Variants in DAB1 observed in about 807,000 individuals in gnomAD.
The protein encoded by DAB1 is DAB adaptor protein 1, also known as disabled homolog 1.
DAB1 carries 15 observed loss-of-function variants against 64.6 expected under a neutral mutation model. That is an observed-to-expected ratio of 0.23 (90% confidence interval 0.16 to 0.36). DAB1 has a LOEUF of 0.36. Among genes scored for constraint, DAB1 ranks in the 10% least tolerant of loss-of-function variants. The probability of loss-of-function intolerance (pLI) is 1.00; values close to 1 mark genes in which losing one functional copy is unlikely to be tolerated. For synonymous variants in DAB1, 235 were observed against 251.9 expected (o/e 0.93, Z 0.64); for missense variants, 596 against 706.7 (o/e 0.84, Z 1.78).
chr1:58,122,806 T>C (rs949280225), intron 5 of DAB1, among the ~76,000 whole-genome samples: 6 of 152,136 alleles, frequency 3.9e-5, no homozygotes, highest in African/African-American at 7.2e-5. Context: ...TTCTGAAGGA[T>C]AGAGACATAT....
intron 4 of DAB1, among the ~76,000 whole-genome samples, chr1:58,219,475 C>T (rs556634926): frequency 6.6e-6 from 1 of 152,318 alleles, no homozygotes; most frequent in Non-Finnish European, 1.5e-5. Flanking sequence ...CCTACCCAAT[C>T]TCCACTCCCA....
intron 3 of DAB1, among the ~76,000 whole-genome samples, chr1:58,350,621 G>A (rs1476482310): frequency 6.6e-6 from 1 of 152,136 alleles, no homozygotes; most frequent in African/African-American, 2.4e-5. Context: ...AATCCATCTC[G>A]AGTTAATTTT....
intron 4 of DAB1, among the ~76,000 whole-genome samples, chr1:58,157,993 C>T (rs781166077): frequency 4.6e-5 from 7 of 152,108 alleles, no homozygotes; most frequent in Non-Finnish European, 1.0e-4. Context: ...CTGATCTTTC[C>T]TGATTAAGGA....
Position 58,390,506 on chromosome 1 carries a change from GGAAAGAAC to G in DAB1, n.258-47111_258-47104del, listed in dbSNP as rs1644467389. On this transcript the variant is annotated intron_variant and non_coding_transcript_variant, in intron 3 of 20. Transcript: ENST00000485760. ...CTGACATTGGCAAGAGGGGAGCAGT[GGAAAGAAC>G]GCAATCGTGGAGTCAGGGGGACGTG... Among the ~76,000 whole-genome samples, 4 of 152,296 alleles carry G rather than the reference GGAAAGAAC, an allele frequency of 2.6e-5. No homozygotes were observed. In the South Asian group the frequency reaches 8.3e-4, roughly 32 times the overall value.
intron 2 of DAB1, among the ~76,000 whole-genome samples, chr1:57,259,437 G>T (rs1670012173): frequency 6.6e-6 from 1 of 152,162 alleles, no homozygotes; most frequent in South Asian, 2.1e-4. Flanking sequence ...AGTATGAAAA[G>T]TAGCTGAACT....
chr1:58,133,723 T>A (rs915032921), intron 5 of DAB1, among the ~76,000 whole-genome samples: 11 of 152,250 alleles, frequency 7.2e-5, no homozygotes, highest in Admixed American at 5.9e-4. Flanking sequence ...AACCTCCAAG[T>A]AAGCATAGGT....
chr1:57,242,479 G>A (rs1668566774), intron 2 of DAB1, among the ~76,000 whole-genome samples: 1 of 152,116 alleles, frequency 6.6e-6, no homozygotes, highest in Admixed American at 6.5e-5. Context: ...ATAACACGTG[G>A]TCGATTAGCA....
intron 14 of DAB1, among the ~76,000 whole-genome samples, chr1:57,002,323 T>C (rs961911434): frequency 6.6e-6 from 1 of 152,154 alleles, no homozygotes; most frequent in Non-Finnish European, 1.5e-5. Flanking sequence ...GACACATCTG[T>C]AGTTGAACAT....
chr1:58,062,340 T>C (rs1648555050), intron 5 of DAB1, among the ~76,000 whole-genome samples: 1 of 152,282 alleles, frequency 6.6e-6, no homozygotes, highest in East Asian at 1.9e-4. Flanking sequence ...AGAATTATAG[T>C]GCAAGTCTCA....
At chr1:57,640,474 G>A (rs370282107) in intron 7 of DAB1, among the ~76,000 whole-genome samples, 2 of 152,038 alleles carry the variant, frequency 1.3e-5, no homozygotes, top group African/African-American at 4.8e-5. Context: ...AAATGAATGA[G>A]GAGGGTGACA....
chr1:57,941,751 C>T (rs1262752990), intron 5 of DAB1, among the ~76,000 whole-genome samples: 1 of 152,014 alleles, frequency 6.6e-6, no homozygotes, highest in East Asian at 1.9e-4. Flanking sequence ...AAGAGAATGG[C>T]GTGAATCCAG....
At chr1:58,241,354 C>T (rs1660287990) in intron 4 of DAB1, among the ~76,000 whole-genome samples, 1 of 139,484 alleles carries the variant, frequency 7.2e-6, no homozygotes, top group Admixed American at 6.9e-5. Context: ...TCCTACAATC[C>T]ATTGTTAAAT....
At chr1:58,118,854 C>T (rs1314348283) in intron 5 of DAB1, among the ~76,000 whole-genome samples, 1 of 151,764 alleles carries the variant, frequency 6.6e-6, no homozygotes, top group Non-Finnish European at 1.5e-5. Flanking sequence ...AGAACCCATG[C>T]TCATAACCAC....
At chr1:57,325,080 T>C (rs918534385) in intron 1 of DAB1, among the ~76,000 whole-genome samples, 2 of 152,208 alleles carry the variant, frequency 1.3e-5, no homozygotes, top group Non-Finnish European at 2.9e-5. Context: ...ATTTCAGTCT[T>C]CTTTGATTTT....
intron 7 of DAB1, among the ~76,000 whole-genome samples, chr1:57,441,033 C>T (rs1383491187): frequency 6.6e-6 from 1 of 152,010 alleles, no homozygotes; most frequent in Non-Finnish European, 1.5e-5. Flanking sequence ...AGCCTCCTTC[C>T]TCTAGTAGTC....
chr1:57,311,686 AAC>A (rs1323590782), intron 1 of DAB1, among the ~76,000 whole-genome samples: 3 of 152,158 alleles, frequency 2.0e-5, no homozygotes, highest in African/African-American at 7.2e-5. Flanking sequence ...TGGATGCTCT[AAC>A]ACTTGGAATG....
chr1:57,005,988 A>G (rs148420486), intron 14 of DAB1, among the ~76,000 whole-genome samples: 132 of 152,344 alleles, frequency 8.7e-4, no homozygotes, highest in African/African-American at 2.7e-3. Flanking sequence ...TCTGTTAGCC[A>G]ATTCTGGTAG....
chr1:57,754,251 C>T (rs961298649), intron 6 of DAB1, among the ~76,000 whole-genome samples: 1 of 152,182 alleles, frequency 6.6e-6, no homozygotes, highest in Non-Finnish European at 1.5e-5. Context: ...TGCCTGGCCC[C>T]TGTAAATATT....
chr1:58,106,736 T>C (rs1651662933), intron 5 of DAB1, among the ~76,000 whole-genome samples: 1 of 152,148 alleles, frequency 6.6e-6, no homozygotes, highest in South Asian at 2.1e-4. Context: ...TGACTCCACC[T>C]AAGTCTTATG....
Sources: gnomAD v4.1 joint callset for allele counts (sites outside exome capture counted in the v4.1 genomes callset) on GRCh38, gnomAD v4.1.1 for gene constraint, MANE v1.5 for transcripts, NCBI Gene and HGNC (gene_info 2026-07-23, HGNC 2026-07-21) for gene names.